HOXB3: variants seen among roughly 807,000 people sequenced by gnomAD.
HOXB3 encodes the protein homeobox B3.
In HOXB3, 17 loss-of-function variants were observed where a neutral mutation model predicts 29.2. The ratio of observed to expected loss-of-function variants is 0.58; its 90% CI spans 0.40 to 0.87. HOXB3 has a LOEUF of 0.87. HOXB3 is among the 40% of genes least tolerant of loss of function. HOXB3 has a pLI of 0.00. For synonymous variants in HOXB3, 317 were observed against 285.9 expected (o/e 1.11, Z -1.10); for missense variants, 637 against 616.3 (o/e 1.03, Z -0.35).
In HOXB3 at chr17:48,549,694, T is replaced by C. The variant is rs1047448607; in HGVS notation, c.*640A>G. ...GCAGCTCTTTCAGGATCTCTCACCATCCCTGAGCCCTCTAAAAACTGTAAT... is the reference window on the plus strand; with the variant it reads ...GCAGCTCTTTCAGGATCTCTCACCACCCCTGAGCCCTCTAAAAACTGTAAT... On this transcript the variant is annotated 3_prime_UTR_variant, in exon 5 of 5. Coordinates refer to ENST00000498678, the MANE Select transcript of HOXB3 (RefSeq NM_001384749.1). 4 of 152,722 alleles carry C rather than the reference T, an allele frequency of 2.6e-5. No homozygotes were observed. The highest frequency in any genetic ancestry group is 7.2e-5 in the African/African-American group (3 of 41,384). The allele number at this position is 152,722 out of a possible 1,614,324, so 9.5% of individuals were successfully genotyped here. A position where few individuals can be genotyped will look rare whatever the true frequency, so the allele number is the denominator to read the frequency against.
chr17:48,554,832 C>T lies in HOXB3; in HGVS notation c.-159+699G>A. 1.4e-6 allele frequency: 1 copy of T among 702,202 alleles called. No homozygotes were observed. The highest frequency in any genetic ancestry group is 2.6e-6 in the Non-Finnish European group (1 of 384,806). 43.5% of individuals were successfully genotyped at this position (702,202 alleles called of 1,614,324 possible). ...CTCAGCAGGGCTCCGGGTTGGAGGG[C>T]GCCGAGGCCTGGCGGACGGGACAGT... On this transcript the variant is annotated intron_variant, in intron 3 of 4. Transcript: ENST00000498678. This position sits in a 1 kb window ranked among gnomAD's most constrained non-coding sequence, Gnocchi z 4.1.
Position 48,554,258 on chromosome 17 carries a change from A to T in HOXB3, c.-159+1273T>A, listed in dbSNP as rs2068873339. ...GTTGTGGTTGTTATTAATAGAGAAGAGAATGAAATAAAAACGTTGGAGGGG... is the reference window on the plus strand; with the variant it reads ...GTTGTGGTTGTTATTAATAGAGAAGTGAATGAAATAAAAACGTTGGAGGGG... On this transcript the variant is annotated intron_variant, in intron 3 of 4. Transcript: ENST00000498678. This position sits in a 1 kb window ranked among gnomAD's most constrained non-coding sequence, Gnocchi z 4.1. 1 of 225,680 alleles carries T rather than the reference A, an allele frequency of 4.4e-6. No individual in the cohort carries two copies. The highest frequency in any genetic ancestry group is 5.2e-5 in the Admixed American group (1 of 19,344). 14.0% of individuals were successfully genotyped at this position (225,680 alleles called of 1,614,324 possible).
chr17:48,578,022 C>T (rs1295884195), intron 1 of HOXB3: 1 of 989,098 alleles, frequency 1.0e-6, no homozygotes. Flanking sequence ...AGGAGGGCCC[C>T]GGCGGGTGGC....
chr17:48,578,005 C>A, intron 1 of HOXB3: 1 of 1,280,836 alleles, frequency 7.8e-7, no homozygotes, highest in Non-Finnish European at 9.9e-7. Flanking sequence ...GCTGGCCGGG[C>A]TCCGGGAGGA....
At chr17:48,573,613 C>T (rs746420113) in intron 2 of HOXB3, among the ~76,000 whole-genome samples, 1 of 152,210 alleles carries the variant, frequency 6.6e-6, no homozygotes, top group Non-Finnish European at 1.5e-5. Context: ...CAGTCCCAAC[C>T]AGTTCAAACA....
At chr17:48,580,019 T>C in intron 1 of HOXB3, 1 of 447,690 alleles carries the variant, frequency 2.2e-6, no homozygotes, top group South Asian at 1.7e-5. Context: ...TTTGAGTGCT[T>C]TGGTTTTATT....
At chr17:48,573,567 C>T (rs935163629) in intron 2 of HOXB3, among the ~76,000 whole-genome samples, 1 of 152,114 alleles carries the variant, frequency 6.6e-6, no homozygotes, top group Admixed American at 6.5e-5. Context: ...ACAAAACAAC[C>T]GTCTTCTCTG....
intron 2 of HOXB3, among the ~76,000 whole-genome samples, chr17:48,569,859 G>A (rs1192010178): frequency 7.2e-5 from 11 of 152,178 alleles, no homozygotes; most frequent in Admixed American, 7.2e-4. Flanking sequence ...AACCGCAAGG[G>A]GGACTTTTTT....
chr17:48,576,650 T>TGGCCCCC, intron 1 of HOXB3: 1 of 567,770 alleles, frequency 1.8e-6, no homozygotes, highest in Non-Finnish European at 2.6e-6. Context: ...CCCCCTCCTG[T>TGGCCCCC]CCCCCCACCC....
intron 1 of HOXB3, chr17:48,576,797 C>A: frequency 6.2e-7 from 1 of 1,614,246 alleles, no homozygotes; most frequent in Non-Finnish European, 8.5e-7. Flanking sequence ...CCGAGCGGAT[C>A]TTGGTGTTGG....
intron 1 of HOXB3, among the ~76,000 whole-genome samples, chr17:48,589,714 C>T (rs927787736): frequency 2.6e-5 from 4 of 152,264 alleles, no homozygotes; most frequent in East Asian, 1.9e-4. Flanking sequence ...CACACACCTC[C>T]GACAAATGAA....
intron 1 of HOXB3, chr17:48,578,397 T>G: frequency 6.6e-7 from 1 of 1,516,510 alleles, no homozygotes; most frequent in Non-Finnish European, 8.8e-7. Flanking sequence ...CCGAAAGCCC[T>G]CCTACTTACT....
At chr17:48,555,280 AAGAG>A (rs753761110) in intron 3 of HOXB3, 19 of 544,142 alleles carry the variant, frequency 3.5e-5, no homozygotes, top group Admixed American at 6.8e-5. Context: ...GCTGAAAGAA[AAGAG>A]AGAGAGGAGA....
At chr17:48,559,002 A>G (rs2069100095) in intron 2 of HOXB3, among the ~76,000 whole-genome samples, 2 of 151,544 alleles carry the variant, frequency 1.3e-5, no homozygotes, top group South Asian at 4.2e-4. Flanking sequence ...ATTGAGTAAG[A>G]GACAGAGACA....
intron 1 of HOXB3, among the ~76,000 whole-genome samples, chr17:48,585,782 G>A (rs1432394582): frequency 1.3e-5 from 2 of 152,114 alleles, no homozygotes; most frequent in African/African-American, 4.8e-5. Flanking sequence ...CCCGAAATAG[G>A]GTATCCTCTA....
Position 48,550,584 on chromosome 17 carries a change from C to T in HOXB3, c.1046G>A (p.Ser349Asn). 6.5e-7 allele frequency: 1 copy of T among 1,530,166 alleles called. No homozygotes were observed. Among genetic ancestry groups the T allele is most frequent in the Non-Finnish European group, 8.7e-7 (1 of 1,148,248 alleles). The allele number at this position is 1,530,166 out of a possible 1,614,324, so 94.8% of individuals were successfully genotyped here. A position where few individuals can be genotyped will look rare whatever the true frequency, so the allele number is the denominator to read the frequency against. Residue 349 changes from serine to asparagine, a missense_variant, in exon 5 of 5, where the codon AGT becomes AAT. Transcript: ENST00000498678. ...GCCGCCCCCGCCCACGTACACCGGA[C>T]TGCCCTGCATGGTGGGCGTCCCGTA... ...GAYGTPTMQG[S>N]PVYVGGGGYA...
intron 1 of HOXB3, among the ~76,000 whole-genome samples, chr17:48,577,658 C>T (rs1251178284): frequency 1.3e-5 from 2 of 152,160 alleles, no homozygotes; most frequent in Non-Finnish European, 2.9e-5. Context: ...ACTTCAAAGG[C>T]GCAGGGCCCA....
At position 48,554,488 on chromosome 17, in the gene HOXB3, G is replaced by T; in HGVS notation, c.-159+1043C>A. ...TGGAAAGCGAAGGAGCCAGAGACGC[G>T]ATAGGAAAGAATGGAGACTCCGCCG... On this transcript the variant is annotated intron_variant, in intron 3 of 4. Transcript: ENST00000498678. The surrounding 1 kb of genome is among the most constrained non-coding windows in gnomAD (Gnocchi z 4.1). The T allele has an allele frequency of 4.9e-6, 3 of 614,448 alleles. No individual in the cohort carries two copies. Among genetic ancestry groups the T allele is most frequent in the East Asian group, 2.7e-5 (1 of 36,438 alleles). The allele number at this position is 614,448 out of a possible 1,614,324, so 38.1% of individuals were successfully genotyped here. A position where few individuals can be genotyped will look rare whatever the true frequency, so the allele number is the denominator to read the frequency against.
intron 3 of HOXB3, 197 bp downstream of exon 3, chr17:48,555,334 G>GA (rs2068924316): frequency 5.8e-6 from 3 of 519,728 alleles, no homozygotes; most frequent in Admixed American, 6.3e-5. Flanking sequence ...GAGAGAGAGA[G>GA]GGAGAGAGAG....
Sources: allele counts gnomAD v4.1 joint callset (sites outside exome capture counted in the v4.1 genomes callset), GRCh38; gene constraint gnomAD v4.1.1; non-coding constraint Gnocchi (gnomAD v3.1); transcripts MANE v1.5; gene names NCBI Gene and HGNC (gene_info 2026-07-23, HGNC 2026-07-21).